ABCG1: variants seen among roughly 807,000 people sequenced by gnomAD.
The protein encoded by ABCG1 is ATP binding cassette subfamily G member 1.
Under a neutral mutation model 69.2 loss-of-function variants are expected in ABCG1, and 29 were observed. The observed-to-expected ratio is 0.42, with a 90% CI of 0.31 to 0.57. The LOEUF is 0.57. Among genes scored for constraint, ABCG1 ranks in the 20% least tolerant of loss-of-function variants. The probability of loss-of-function intolerance (pLI) is 0.15; values close to 1 mark genes in which losing one functional copy is unlikely to be tolerated. For synonymous variants in ABCG1, 370 were observed against 374.8 expected (o/e 0.99, Z 0.15); for missense variants, 718 against 898.1 (o/e 0.80, Z 2.56).
upstream of ABCG1, among the ~76,000 whole-genome samples, chr21:42,214,503 C>T (rs2123478976): frequency 6.6e-6 from 1 of 152,364 alleles, no homozygotes; most frequent in Non-Finnish European, 1.5e-5. Context: ...CCAGGCTGAC[C>T]AGAAGGGAGA....
At chr21:42,215,725 G>A (rs1012653673), upstream of ABCG1, among the ~76,000 whole-genome samples, 1 of 152,244 alleles carries the variant, frequency 6.6e-6, no homozygotes, top group African/African-American at 2.4e-5. Flanking sequence ...GGGGCATCTG[G>A]TCCAGAGAAC....
rs941872826 is a variant in ABCG1, at chr21:42,273,824, C to A, written c.537+389C>A. On this transcript the variant is annotated intron_variant, in intron 4 of 14. Transcript: ENST00000398449. The surrounding 1 kb of genome is among the most constrained non-coding windows in gnomAD (Gnocchi z 5.3). ...AGTCTTTCCGTGTCTTTGGCCCAAG[C>A]ACCCACTCGCCTGGTGCCTTGGTCA... Among the ~76,000 whole-genome samples, 1 of 152,210 alleles carries A rather than the reference C, an allele frequency of 6.6e-6. No homozygotes were observed. The highest frequency in any genetic ancestry group is 6.5e-5 in the Admixed American group (1 of 15,286).
chr21:42,233,565 C>T (rs572869473), intron 2 of ABCG1, among the ~76,000 whole-genome samples: 2 of 152,302 alleles, frequency 1.3e-5, no homozygotes, highest in East Asian at 1.9e-4. Context: ...TTTGAAACTC[C>T]GTAGACCAAG....
chr21:42,259,937 G>T (rs1291500774), intron 2 of ABCG1: 4 of 1,476,502 alleles, frequency 2.7e-6, no homozygotes, highest in South Asian at 2.8e-5. Context: ...AGCAGCTGTG[G>T]GTTGGACGGT....
chr21:42,215,939 C>T (rs2067634870), upstream of ABCG1: 3 of 267,122 alleles, frequency 1.1e-5, no homozygotes, highest in South Asian at 1.0e-4. Flanking sequence ...GTGTCCCCAC[C>T]CAAATCTCAT....
At chr21:42,268,173 C>G (rs148904809) in intron 2 of ABCG1, among the ~76,000 whole-genome samples, 2 of 152,082 alleles carry the variant, frequency 1.3e-5, no homozygotes, top group African/African-American at 4.8e-5. Flanking sequence ...GCCCTGTGAA[C>G]GAGAGCCCAC....
upstream of ABCG1, among the ~76,000 whole-genome samples, chr21:42,218,964 T>A (rs138515663): frequency 5.1e-3 from 770 of 152,236 alleles, 8 homozygotes; most frequent in Middle Eastern, 0.034. Context: ...CTGCGAGGCC[T>A]CGGCTCGGGC....
At chr21:42,272,871 G>A (rs1010531839) in intron 3 of ABCG1, among the ~76,000 whole-genome samples, 2 of 152,214 alleles carry the variant, frequency 1.3e-5, no homozygotes, top group Non-Finnish European at 2.9e-5. Context: ...GCAGAGGTCC[G>A]GCCTTTGGGC....
At position 42,219,818 on chromosome 21, in the gene ABCG1, C is replaced by A. The variant is rs370450685; in HGVS notation, c.42+514C>A. ...AAAGAGGAAGCTGCCCCCAGAGAGC[C>A]GGAGCCTGCGACTGCACTCCCGGGG... On this transcript the variant is annotated intron_variant, in intron 1 of 14. Transcript: ENST00000398449. The surrounding 1 kb of genome is among the most constrained non-coding windows in gnomAD (Gnocchi z 5.3). 1.0e-5 allele frequency: 15 copies of A among 1,452,556 alleles called. No individual in the cohort carries two copies. Among genetic ancestry groups the A allele is most frequent in the Middle Eastern group, 2.5e-4 (1 of 4,010 alleles). 90.0% of individuals were successfully genotyped at this position (1,452,556 alleles called of 1,614,324 possible). A position where few individuals can be genotyped will look rare whatever the true frequency, so the allele number is the denominator to read the frequency against.
chr21:42,267,534 G>T (rs1376913860), intron 2 of ABCG1, among the ~76,000 whole-genome samples: 2 of 151,286 alleles, frequency 1.3e-5, no homozygotes, highest in African/African-American at 4.9e-5. Context: ...TCTGGTCTGG[G>T]TTCTGTCTGG....
intron 2 of ABCG1, among the ~76,000 whole-genome samples, chr21:42,229,039 G>A (rs1349925590): frequency 1.3e-5 from 2 of 152,168 alleles, no homozygotes; most frequent in African/African-American, 4.8e-5. Flanking sequence ...CCACCAAGTC[G>A]GCCTCTTTTG....
chr21:42,222,729 A>G (rs2067749757), intron 1 of ABCG1, among the ~76,000 whole-genome samples: 1 of 152,214 alleles, frequency 6.6e-6, no homozygotes, highest in South Asian at 2.1e-4. Flanking sequence ...TAAACTATAT[A>G]GGTTAGAGTT....
At chr21:42,282,912 G>A (rs2123775055) in intron 6 of ABCG1, among the ~76,000 whole-genome samples, 1 of 152,308 alleles carries the variant, frequency 6.6e-6, no homozygotes, top group East Asian at 1.9e-4. Context: ...TGCCTCAGTT[G>A]CTCACCAGCT....
At position 42,273,465 on chromosome 21, in the gene ABCG1, G is replaced by A. The variant is rs755593139; in HGVS notation, c.537+30G>A. ...GCTCCGCCCTGCCCCGCCCCACTCCGCCCCTGCCGCCTGTCCCCAGCGCCC... is the reference window on the plus strand; with the variant it reads ...GCTCCGCCCTGCCCCGCCCCACTCCACCCCTGCCGCCTGTCCCCAGCGCCC... On this transcript the variant is annotated intron_variant, in intron 4 of 14. Coordinates refer to ENST00000398449, the MANE Select transcript of ABCG1 (RefSeq NM_016818.3). The surrounding 1 kb of genome is among the most constrained non-coding windows in gnomAD (Gnocchi z 5.3). 1.7e-5 allele frequency: 26 copies of A among 1,556,162 alleles called. No individual in the cohort carries two copies. The Middle Eastern group carries it at 5.3e-4, about 32-fold the overall frequency.
intron 2 of ABCG1, among the ~76,000 whole-genome samples, chr21:42,257,356 G>A (rs1164950769): frequency 2.0e-5 from 3 of 152,224 alleles, no homozygotes; most frequent in East Asian, 3.8e-4. Flanking sequence ...CATGGCACCC[G>A]CAGCCTCTGC....
intron 7 of ABCG1, 91 bp from the exon 8 acceptor site, chr21:42,285,789 T>C (rs1211572878): frequency 3.5e-6 from 3 of 861,712 alleles, no homozygotes; most frequent in East Asian, 2.4e-5. Context: ...GATTGATCGG[T>C]TGATTGATTG....
intron 1 of ABCG1, among the ~76,000 whole-genome samples, chr21:42,225,165 C>T (rs775525141): frequency 6.6e-6 from 1 of 152,148 alleles, no homozygotes; most frequent in Non-Finnish European, 1.5e-5. Context: ...AATACAAAGG[C>T]CAATCCCCAC....
intron 2 of ABCG1, among the ~76,000 whole-genome samples, chr21:42,270,792 T>C (rs1244031158): frequency 1.3e-5 from 2 of 152,178 alleles, no homozygotes; most frequent in Non-Finnish European, 2.9e-5. Context: ...GGATTCCCCA[T>C]AGACTAGACA....
chr21:42,253,290 C>G (rs1022680153), intron 2 of ABCG1, among the ~76,000 whole-genome samples: 4 of 152,156 alleles, frequency 2.6e-5, no homozygotes, highest in African/African-American at 7.2e-5. Flanking sequence ...CAGAGCAGAT[C>G]AGAGAAGCAG....
Sources: gnomAD v4.1 joint callset for allele counts (sites outside exome capture counted in the v4.1 genomes callset) on GRCh38, gnomAD v4.1.1 for gene constraint, Gnocchi (gnomAD v3.1) non-coding constraint, MANE v1.5 for transcripts, NCBI Gene and HGNC (gene_info 2026-07-23, HGNC 2026-07-21) for gene names.